Variants in RGMA observed in about 807,000 individuals in gnomAD.
The protein encoded by RGMA is repulsive guidance molecule BMP co-receptor a, also known as repulsive guidance molecule A.
In RGMA, 10 loss-of-function variants were observed where a neutral mutation model predicts 23.2. That is an observed-to-expected ratio of 0.43 (90% CI 0.27 to 0.73). The LOEUF (loss-of-function observed/expected upper bound fraction) is 0.73. RGMA is among the 30% of genes least tolerant of loss of function. The pLI, the probability that RGMA is intolerant of heterozygous loss-of-function variation, is 0.20. For missense variants in RGMA, 547 were observed against 630.5 expected, an observed-to-expected ratio of 0.87 and a Z score of 1.42; for synonymous variants, 308 against 279.3, an observed-to-expected ratio of 1.10 and a Z score of -1.03.
In RGMA at chr15:93,045,421, C is replaced by T. The variant is rs751716804; in HGVS notation, c.930G>A (p.Gln310=). 5 of 1,613,216 alleles carry T rather than the reference C, an allele frequency of 3.1e-6. No homozygotes were observed. The highest frequency in any genetic ancestry group is 8.5e-7 in the Non-Finnish European group (1 of 1,179,818). Residue 310 remains glutamine, a synonymous_variant, in exon 4 of 4, where the codon CAG becomes CAA. Coordinates refer to ENST00000329082, the MANE Select transcript of RGMA (RefSeq NM_020211.3). This position sits in a 1 kb window ranked among gnomAD's most constrained non-coding sequence, Gnocchi z 6.9. ...AGCCCCGCAGGCAGAGGTAGAGACC[C>T]TGGCTGTCCCAGTCCTCCACAGCAT... ...VVNAVEDWDS[Q]GLYLCLRGCP...
In RGMA at chr15:93,073,642, C is replaced by A. The variant is rs1895414740; in HGVS notation, c.15-611G>T. 2.6e-6 allele frequency: 4 copies of A among 1,537,138 alleles called. No individual in the cohort carries two copies. The South Asian group carries it at 4.8e-5, about 18-fold the overall frequency. ...GTCGCACTCAGACGCGACACCGGTG[C>A]AGGAGGCTGAAAAACCCACTTCCGA... On this transcript the variant is annotated intron_variant, in intron 1 of 3. Coordinates refer to ENST00000329082, the MANE Select transcript of RGMA (RefSeq NM_020211.3).
rs1008240900 is a variant in RGMA, at chr15:93,041,580, T to G, written c.*3418A>C. 1 of 152,192 alleles carries G rather than the reference T, an allele frequency of 6.6e-6. No homozygotes were observed. Among genetic ancestry groups the G allele is most frequent in the Non-Finnish European group, 1.5e-5 (1 of 68,038 alleles). The allele number at this position is 152,192 out of a possible 1,614,324, so 9.4% of individuals were successfully genotyped here. On this transcript the variant is annotated 3_prime_UTR_variant, in exon 4 of 4. Transcript: ENST00000329082. ...AAGAATACTTTGTGGCTAGTGCCAT[T>G]TAGCATTTTCGTCTAGTAGAGATTT... is the stretch of plus-strand genomic sequence containing the variant.
In RGMA at chr15:93,045,229, G is replaced by A. The variant is rs2054801783; in HGVS notation, c.1122C>T (p.Tyr374=). 6.2e-7 allele frequency: 1 copy of A among 1,612,754 alleles called. No individual in the cohort carries two copies. Among genetic ancestry groups the A allele is most frequent in the African/African-American group, 1.3e-5 (1 of 74,908 alleles). ...GGAGGTCGAAGACGCAGGCCTGGTA[G>A]TACAGGTCCTCCACCGGCAGCTTCT... ...CKEKLPVEDL[Y]YQACVFDLLT... is the part of the protein sequence containing the mutation. Residue 374 remains tyrosine (Y), a synonymous_variant, in exon 4 of 4, where the codon TAC becomes TAT. Coordinates refer to ENST00000329082, the MANE Select transcript of RGMA (RefSeq NM_020211.3). The surrounding 1 kb of genome is among the most constrained non-coding windows in gnomAD (Gnocchi z 6.9).
chr15:93,087,488 C>G (rs975792617), intron 1 of RGMA, among the ~76,000 whole-genome samples: 17 of 46,812 alleles, frequency 3.6e-4, no homozygotes, highest in African/African-American at 1.3e-3. Context: ...AAAAAAACCA[C>G]AAAACCCAGT....
intron 1 of RGMA, chr15:93,074,018 C>A: frequency 7.2e-7 from 1 of 1,381,450 alleles, no homozygotes; most frequent in Non-Finnish European, 9.3e-7. Flanking sequence ...GCTTATTTTT[C>A]TGGGAAAGAA....
At chr15:93,082,283 G>C (rs1019952111) in intron 1 of RGMA, among the ~76,000 whole-genome samples, 1 of 152,192 alleles carries the variant, frequency 6.6e-6, no homozygotes, top group South Asian at 2.1e-4. Context: ...AAGGACTCAC[G>C]GATAACCTTG....
rs2054750486 is a variant in RGMA, at chr15:93,043,249, C to CAGGCACGCACGCGCACACAT, written c.*1748_*1749insATGTGTGCGCGTGCGTGCCT. 1 of 143,450 alleles carries CAGGCACGCACGCGCACACAT rather than the reference C, an allele frequency of 7.0e-6. No individual in the cohort carries two copies. Among genetic ancestry groups the CAGGCACGCACGCGCACACAT allele is most frequent in the Non-Finnish European group, 1.6e-5 (1 of 63,082 alleles). 8.9% of individuals were successfully genotyped at this position (143,450 alleles called of 1,614,324 possible). Reference sequence around the variant, plus strand: ...GCACACATGCGTACATGCACGCACACAGGCACGCACACACACAGGCATGCA... The same window carrying CAGGCACGCACGCGCACACAT: ...GCACACATGCGTACATGCACGCACACAGGCACGCACGCGCACACATAGGCACGCACACACACAGGCATGCA... On this transcript the variant is annotated 3_prime_UTR_variant, in exon 4 of 4. Coordinates refer to ENST00000329082, the MANE Select transcript of RGMA (RefSeq NM_020211.3).
chr15:93,046,338 G>C (rs1461726437), intron 3 of RGMA, among the ~76,000 whole-genome samples: 1 of 152,158 alleles, frequency 6.6e-6, no homozygotes. Flanking sequence ...ACCAAAAGCT[G>C]GAAATGGCAA....
intron 1 of RGMA, among the ~76,000 whole-genome samples, chr15:93,082,128 G>GT (rs1895568363): frequency 6.6e-6 from 1 of 152,204 alleles, no homozygotes; most frequent in Non-Finnish European, 1.5e-5. Flanking sequence ...CTGGCATAGA[G>GT]TAAGTCTTGA....
intron 1 of RGMA, chr15:93,073,920 G>A (rs986825726): frequency 1.1e-5 from 16 of 1,438,194 alleles, no homozygotes; most frequent in African/African-American, 8.6e-5. Context: ...CGCGTGGCGC[G>A]CAGGGCCGGA....
At chr15:93,088,519 G>A in intron 1 of RGMA, 3 of 997,814 alleles carry the variant, frequency 3.0e-6, no homozygotes, top group Non-Finnish European at 3.6e-6. Context: ...GGCGTCGAGC[G>A]GGAGGCGGGG....
rs900200583 is a variant in RGMA at position 93,071,267 on chromosome 15, A to T, written c.130+1649T>A. ...CCAAAACGTTGACTTCTTCTTAAAT[A>T]GGGTGATTTTTATTTTAATTTTGAA... On this transcript the variant is annotated intron_variant, in intron 2 of 3. Transcript: ENST00000329082. Among the ~76,000 whole-genome samples the T allele has an allele frequency of 2.6e-5, 4 of 152,234 alleles. No individual in the cohort carries two copies. In the East Asian group the frequency reaches 7.7e-4, roughly 29 times the overall value.
At chr15:93,088,431 C>G (rs1451926823) in intron 1 of RGMA, 2 of 985,832 alleles carry the variant, frequency 2.0e-6, no homozygotes, top group Non-Finnish European at 2.4e-6. Context: ...AGGCAAAGGG[C>G]CGCCGGGACG....
Position 93,045,548 on chromosome 15 carries a change from T to G in RGMA, c.803A>C (p.Gln268Pro). The change falls in exon 4 of 4, where the codon CAG becomes CCG. Residue 268 changes from glutamine (Q) to proline (P), a missense_variant. Physicochemically the swap from Gln to Pro is moderately conservative, Grantham distance 76. Transcript: ENST00000329082. This position sits in a 1 kb window ranked among gnomAD's most constrained non-coding sequence, Gnocchi z 6.9. ...GTACTTGGCCTGGATCTCCACGTGCTGGCCTGACACCTTCTCAGTGATCTT... is the reference window on the plus strand; with the variant it reads ...GTACTTGGCCTGGATCTCCACGTGCGGGCCTGACACCTTCTCAGTGATCTT... ...SLKITEKVSGQHVEIQAKYIG... is the reference protein window; with the variant it reads ...SLKITEKVSGPHVEIQAKYIG... 1 of 1,613,364 alleles carries G rather than the reference T, an allele frequency of 6.2e-7. No homozygotes were observed. The highest frequency in any genetic ancestry group is 8.5e-7 in the Non-Finnish European group (1 of 1,179,888).
chr15:93,088,512 G>T lies in RGMA; in HGVS notation c.14+407C>A. 9 of 995,998 alleles carry T rather than the reference G, an allele frequency of 9.0e-6. No homozygotes were observed. In the South Asian group the frequency reaches 3.2e-4, roughly 35 times the overall value. The allele number at this position is 995,998 out of a possible 1,614,324, so 61.7% of individuals were successfully genotyped here. On this transcript the variant is annotated intron_variant, in intron 1 of 3. Transcript: ENST00000329082. ...TGGCCAGGCAGCTCCGCAGCCGGGC[G>T]TCGAGCGGGAGGCGGGGGCCCGGGC...
rs1178389064 is a variant in RGMA at position 93,038,566 on chromosome 15, G to GTTTTTTTTTT, written c.*6431_*6432insAAAAAAAAAA. ...ATTGCCTTAATGAACGAAACTGTTA[G>GTTTTTTTTTT]TTGTTTTTTTTTTTTTTTTGAGACG... On this transcript the variant is annotated 3_prime_UTR_variant, in exon 4 of 4. Coordinates refer to ENST00000329082, the MANE Select transcript of RGMA (RefSeq NM_020211.3). 2.4e-5 allele frequency: 2 copies of GTTTTTTTTTT among 84,446 alleles called. No individual in the cohort carries two copies. Among genetic ancestry groups the GTTTTTTTTTT allele is most frequent in the Admixed American group, 1.2e-4 (1 of 8,566 alleles). The allele number at this position is 84,446 out of a possible 1,614,324, so 5.2% of individuals were successfully genotyped here.
intron 1 of RGMA, 117 bp downstream of exon 1, chr15:93,088,802 G>C: frequency 1.0e-6 from 1 of 997,264 alleles, no homozygotes; most frequent in South Asian, 1.5e-5. Context: ...GGCAAGATGG[G>C]AGCAAGATGA....
Position 93,043,820 on chromosome 15 carries a change from C to T in RGMA, c.*1178G>A, listed in dbSNP as rs959789514. ...GTAGGGCTGCTGGCAGGATCACCCT[C>T]CAGGGCCTGGCTGCACTTTTGGGAG... On this transcript the variant is annotated 3_prime_UTR_variant, in exon 4 of 4. Coordinates refer to ENST00000329082, the MANE Select transcript of RGMA (RefSeq NM_020211.3). 6.5e-6 allele frequency: 1 copy of T among 152,762 alleles called. No homozygotes were observed. The highest frequency in any genetic ancestry group is 2.4e-5 in the African/African-American group (1 of 41,458). The allele number at this position is 152,762 out of a possible 1,614,324, so 9.5% of individuals were successfully genotyped here.
At chr15:93,073,451 G>A in intron 1 of RGMA, 2 of 968,840 alleles carry the variant, frequency 2.1e-6, no homozygotes, top group Non-Finnish European at 3.0e-6. Flanking sequence ...ACCAGGCCCA[G>A]CACCCTTGGG....
Sources: allele counts gnomAD v4.1 joint callset (sites outside exome capture counted in the v4.1 genomes callset), GRCh38; gene constraint gnomAD v4.1.1; non-coding constraint Gnocchi (gnomAD v3.1); transcripts MANE v1.5; gene names NCBI Gene and HGNC (gene_info 2026-07-23, HGNC 2026-07-21).